Variants in KDM5B observed in about 807,000 individuals in gnomAD.
The protein encoded by KDM5B is lysine-specific demethylase 5B.
KDM5B carries 144 observed loss-of-function variants against 193.4 expected under a neutral mutation model. The ratio of observed to expected loss-of-function variants is 0.74; its 90% CI spans 0.65 to 0.86. The LOEUF (loss-of-function observed/expected upper bound fraction) is 0.86. Among genes scored for constraint, KDM5B ranks in the 40% least tolerant of loss-of-function variants. The probability of loss-of-function intolerance (pLI) is 0.00; values close to 1 mark genes in which losing one functional copy is unlikely to be tolerated. For missense variants in KDM5B, 1,833 were observed against 1,886.9 expected, an observed-to-expected ratio of 0.97 and a Z score of 0.53; for synonymous variants, 668 against 682.6, an observed-to-expected ratio of 0.98 and a Z score of 0.33.
At chr1:202,764,739 G>T (rs563072348) in intron 5 of KDM5B, among the ~76,000 whole-genome samples, 2 of 152,342 alleles carry the variant, frequency 1.3e-5, no homozygotes, top group East Asian at 3.9e-4. Context: ...AGCATTTTGG[G>T]GGGGCCAAGG....
rs957142550 is a variant in KDM5B, at chr1:202,728,257, C to G, written c.*779G>C. The stretch of plus-strand genomic sequence containing the variant: ...AAACTGTAACATTTGATACAAGCTA[C>G]CAAAAAATAGGGGAGAAAGGAAGGG... On this transcript the variant is annotated 3_prime_UTR_variant, in exon 27 of 27. Coordinates refer to ENST00000367265, the MANE Select transcript of KDM5B (RefSeq NM_006618.5). 6 of 152,392 alleles carry G rather than the reference C, an allele frequency of 3.9e-5. No homozygotes were observed. Among genetic ancestry groups the G allele is most frequent in the African/African-American group, 1.4e-4 (6 of 41,396 alleles). The allele number at this position is 152,392 out of a possible 1,614,324, so 9.4% of individuals were successfully genotyped here.
intron 9 of KDM5B, among the ~76,000 whole-genome samples, chr1:202,756,801 A>G (rs1656029622): frequency 1.3e-5 from 2 of 152,238 alleles, no homozygotes; most frequent in Non-Finnish European, 2.9e-5. Context: ...GTATAGTAAT[A>G]ATGGTTAGTT....
At chr1:202,799,096 A>T (rs1362727691) in intron 1 of KDM5B, among the ~76,000 whole-genome samples, 2 of 152,170 alleles carry the variant, frequency 1.3e-5, no homozygotes, top group African/African-American at 4.8e-5. Context: ...TGTCTCACTA[A>T]ATCTGTCCCC....
chr1:202,802,262 T>C (rs1474615380), intron 1 of KDM5B, among the ~76,000 whole-genome samples: 1 of 152,212 alleles, frequency 6.6e-6, no homozygotes, highest in African/African-American at 2.4e-5. Flanking sequence ...CAGCCAACCT[T>C]AATGGGGTCC....
intron 2 of KDM5B, among the ~76,000 whole-genome samples, chr1:202,775,879 A>AAAAATAT (rs1553358956): frequency 4.3e-5 from 4 of 93,202 alleles, no homozygotes; most frequent in Non-Finnish European, 1.9e-5. Context: ...AAAAAAAAAA[A>AAAAATAT]ATATATATAT....
intron 1 of KDM5B, among the ~76,000 whole-genome samples, chr1:202,805,877 A>G (rs1658269271): frequency 6.6e-6 from 1 of 152,192 alleles, no homozygotes; most frequent in Non-Finnish European, 1.5e-5. Flanking sequence ...TTGGCAAAGG[A>G]GTTTGTTAAA....
chr1:202,766,493 G>A lies in KDM5B; in HGVS notation c.711+433C>T, dbSNP rs552662779. 1.3e-4 allele frequency: 57 copies of A among 432,016 alleles called. 1 individual carries two copies. Among genetic ancestry groups the A allele is most frequent in the African/African-American group, 7.5e-4 (36 of 47,684 alleles). The allele number at this position is 432,016 out of a possible 1,614,324, so 26.8% of individuals were successfully genotyped here. A position where few individuals can be genotyped will look rare whatever the true frequency, so the allele number is the denominator to read the frequency against. On this transcript the variant is annotated intron_variant, in intron 5 of 26. Transcript: ENST00000367265. ...TGCACTCCAGCCTGGGCAACACAGC[G>A]AGACTCTGTCTCTAAAAAAAAAAAA...
chr1:202,768,575 T>C (rs1656570755), intron 4 of KDM5B, among the ~76,000 whole-genome samples: 1 of 152,122 alleles, frequency 6.6e-6, no homozygotes, highest in African/African-American at 2.4e-5. Flanking sequence ...AGTTAAGAAA[T>C]ATGATATACT....
At chr1:202,731,974 T>G in intron 23 of KDM5B, 35 bp from the exon 24 acceptor site, 49 of 1,429,894 alleles carry the variant, frequency 3.4e-5, no homozygotes, top group Non-Finnish European at 4.5e-5. Flanking sequence ...ATAAAATCTC[T>G]TCAGGATTAA....
chr1:202,799,067 T>A lies in KDM5B; in HGVS notation c.204+9035A>T, dbSNP rs892608252. ...TCACTATATGGGAAAATGAGGGATG[T>A]GTACTTGGCACTAACCCTTGTCTCA... On this transcript the variant is annotated intron_variant, in intron 1 of 26. Transcript: ENST00000367265. Among the ~76,000 whole-genome samples, 75 of 152,190 alleles carry A rather than the reference T, an allele frequency of 4.9e-4. 1 individual carries two copies. Among genetic ancestry groups the A allele is most frequent in the Non-Finnish European group, 1.5e-4 (10 of 68,034 alleles).
intron 10 of KDM5B, among the ~76,000 whole-genome samples, chr1:202,755,802 A>C (rs1482243168): frequency 6.6e-6 from 1 of 152,140 alleles, no homozygotes. Flanking sequence ...TGAAAGAGGA[A>C]AAGTAGTGAA....
chr1:202,795,428 G>A (rs1657803866), intron 1 of KDM5B, among the ~76,000 whole-genome samples: 1 of 152,040 alleles, frequency 6.6e-6, no homozygotes, highest in African/African-American at 2.4e-5. Flanking sequence ...GAGGCAGACA[G>A]ATCATCCGAG....
rs961970783 is a variant in KDM5B at position 202,763,961 on chromosome 1, T to C, written c.808+88A>G. 1.0e-5 allele frequency: 8 copies of C among 776,516 alleles called. No homozygotes were observed. The African/African-American group carries it at 1.2e-4, about 12-fold the overall frequency. 48.1% of individuals were successfully genotyped at this position (776,516 alleles called of 1,614,324 possible). A position where few individuals can be genotyped will look rare whatever the true frequency, so the allele number is the denominator to read the frequency against. Reference sequence around the variant, plus strand: ...TAAATTTTACTTTTTAATTTTTTTCTATTGAATTTTCAGCTTATGTTTACT... The same window carrying C: ...TAAATTTTACTTTTTAATTTTTTTCCATTGAATTTTCAGCTTATGTTTACT... On this transcript the variant is annotated intron_variant, in intron 6 of 26. Transcript: ENST00000367265.
chr1:202,761,775 T>A (rs7541374), intron 7 of KDM5B, among the ~76,000 whole-genome samples: 59,607 of 152,024 alleles, frequency 0.39, 14,042 homozygotes, highest in Non-Finnish European at 0.51. Context: ...CCTATACAAC[T>A]GTGAAAAAAT....
In KDM5B at chr1:202,756,463, A is replaced by C; in HGVS notation, c.1251T>G (p.Ile417Met). The C allele has an allele frequency of 1.2e-6, 2 of 1,613,138 alleles. No homozygotes were observed. Among genetic ancestry groups the C allele is most frequent in the Non-Finnish European group, 1.7e-6 (2 of 1,179,410 alleles). ...EKEFWRLVST[I>M]EEDVTVEYGA... ...CATATTCCACTGTGACATCCTCCTC[A>C]ATAGTGCTTACTAGTCTCCAAAATT... The change falls in exon 10 of 27, where the codon ATT becomes ATG. Residue 417 changes from isoleucine (I) to methionine (M), a missense_variant. This residue lies in a region of KDM5B where 99 missense variants were observed against 162.4 expected (regional missense o/e 0.61). Transcript: ENST00000367265.
intron 4 of KDM5B, among the ~76,000 whole-genome samples, chr1:202,771,008 C>T (rs536113353): frequency 1.3e-5 from 2 of 152,162 alleles, no homozygotes; most frequent in South Asian, 4.2e-4. Flanking sequence ...ACTACATTGC[C>T]TTTTTAAGTA....
intron 1 of KDM5B, among the ~76,000 whole-genome samples, chr1:202,804,749 C>T (rs986008463): frequency 1.3e-5 from 2 of 151,858 alleles, no homozygotes; most frequent in African/African-American, 4.8e-5. Context: ...GTGGCTCACG[C>T]CTGTAATCCC....
intron 16 of KDM5B, among the ~76,000 whole-genome samples, chr1:202,743,465 G>A (rs1374925148): frequency 6.6e-6 from 1 of 151,880 alleles, no homozygotes; most frequent in Non-Finnish European, 1.5e-5. Context: ...TCTTCCTCCT[G>A]CATTTTATTC....
chr1:202,737,692 A>G (rs1438177599), intron 20 of KDM5B, among the ~76,000 whole-genome samples: 1 of 152,232 alleles, frequency 6.6e-6, no homozygotes, highest in Non-Finnish European at 1.5e-5. Context: ...CTCCACAAAG[A>G]AACAATCAAA....
Sources: allele counts gnomAD v4.1 joint callset (sites outside exome capture counted in the v4.1 genomes callset), GRCh38; gene constraint gnomAD v4.1.1; regional missense constraint gnomAD v4.1.1; transcripts MANE v1.5; gene names NCBI Gene and HGNC (gene_info 2026-07-23, HGNC 2026-07-21).